Variants in ATRNL1 observed in about 807,000 individuals in gnomAD.
ATRNL1 encodes attractin-like protein 1.
ATRNL1 carries 95 observed loss-of-function variants against 182.7 expected under a neutral mutation model. That is an observed-to-expected ratio of 0.52 (90% confidence interval 0.44 to 0.62). The LOEUF is 0.62. ATRNL1 is among the 20% of genes least tolerant of loss of function. The pLI, the probability that ATRNL1 is intolerant of heterozygous loss-of-function variation, is 0.00. For synonymous variants in ATRNL1, 576 were observed against 568.3 expected, an observed-to-expected ratio of 1.01 and a Z score of -0.19; for missense variants, 1,471 against 1,679.5, an observed-to-expected ratio of 0.88 and a Z score of 2.17.
chr10:115,389,541 T>TGTATATATATATATGTAC, intron 19 of ATRNL1, among the ~76,000 whole-genome samples: 1 of 7,092 alleles, frequency 1.4e-4, no homozygotes, highest in African/African-American at 1.1e-3. Context: ...TGTGTATGTG[T>TGTATATATATATATGTAC]ATATATATAT....
At chr10:115,283,233 G>A (rs1163137840) in intron 14 of ATRNL1, among the ~76,000 whole-genome samples, 1 of 152,196 alleles carries the variant, frequency 6.6e-6, no homozygotes, top group South Asian at 2.1e-4. Context: ...GGCCATCATG[G>A]TGAAACCCCG....
chr10:115,301,074 C>T (rs1853443666), intron 16 of ATRNL1, among the ~76,000 whole-genome samples: 1 of 152,110 alleles, frequency 6.6e-6, no homozygotes, highest in Non-Finnish European at 1.5e-5. Flanking sequence ...TGAGAATTTC[C>T]TTCCTTTTTA....
At chr10:115,613,478 A>G (rs540693178) in intron 26 of ATRNL1, among the ~76,000 whole-genome samples, 30 of 152,244 alleles carry the variant, frequency 2.0e-4, no homozygotes, top group Non-Finnish European at 3.5e-4. Flanking sequence ...GTTTTTGCCT[A>G]TAGTTTTCTT....
chr10:115,312,395 C>T (rs1053562427), intron 17 of ATRNL1, among the ~76,000 whole-genome samples: 2 of 152,136 alleles, frequency 1.3e-5, no homozygotes, highest in Non-Finnish European at 2.9e-5. Flanking sequence ...AAATTATTGG[C>T]TGGCAGTTAT....
rs545897773 is a variant in ATRNL1, at chr10:115,521,615, T to C, written c.3716+2291T>C. Among the ~76,000 whole-genome samples, 5 of 152,310 alleles carry C rather than the reference T, an allele frequency of 3.3e-5. No homozygotes were observed. In the East Asian group the frequency reaches 9.6e-4, roughly 29 times the overall value. ...TGTGCATATTTAAATTCAATAGCTCTTTTGTTAAGTAAAAGAAAATTACTG... is the reference window on the plus strand; with the variant it reads ...TGTGCATATTTAAATTCAATAGCTCCTTTGTTAAGTAAAAGAAAATTACTG... On this transcript the variant is annotated intron_variant, in intron 25 of 28. Coordinates refer to ENST00000355044, the MANE Select transcript of ATRNL1 (RefSeq NM_207303.4).
At chr10:115,923,556 C>T (rs1414821630) in intron 28 of ATRNL1, among the ~76,000 whole-genome samples, 1 of 152,036 alleles carries the variant, frequency 6.6e-6, no homozygotes, top group African/African-American at 2.4e-5. Context: ...ATGGCTTCCA[C>T]CTCCATCCAT....
chr10:115,187,929 C>G (rs1283667086), intron 8 of ATRNL1, among the ~76,000 whole-genome samples: 1 of 151,684 alleles, frequency 6.6e-6, no homozygotes, highest in Admixed American at 6.6e-5. Flanking sequence ...ATCCACCCAC[C>G]TCGGTCTCCC....
chr10:115,491,911 G>A (rs1475433697), intron 24 of ATRNL1, among the ~76,000 whole-genome samples: 2 of 152,200 alleles, frequency 1.3e-5, no homozygotes, highest in Non-Finnish European at 2.9e-5. Flanking sequence ...TCTGCTGGTT[G>A]CGTAGACTGT....
At chr10:115,418,623 A>G (rs1845512235) in intron 20 of ATRNL1, among the ~76,000 whole-genome samples, 1 of 152,210 alleles carries the variant, frequency 6.6e-6, no homozygotes, top group South Asian at 2.1e-4. Flanking sequence ...TTCAATCCCA[A>G]TAAGAATACC....
At chr10:115,375,737 C>A (rs1857634953) in intron 19 of ATRNL1, among the ~76,000 whole-genome samples, 1 of 151,892 alleles carries the variant, frequency 6.6e-6, no homozygotes. Flanking sequence ...TGCTTTTTCA[C>A]CTTTCCATTA....
chr10:115,641,610 T>C (rs1442452890), intron 26 of ATRNL1, among the ~76,000 whole-genome samples: 1 of 152,214 alleles, frequency 6.6e-6, no homozygotes, highest in Non-Finnish European at 1.5e-5. Flanking sequence ...GTGATATTAC[T>C]ACTCTACTAA....
At chr10:115,561,839 GTTA>G (rs1853771509) in intron 26 of ATRNL1, among the ~76,000 whole-genome samples, 2 of 152,046 alleles carry the variant, frequency 1.3e-5, no homozygotes, top group East Asian at 3.9e-4. Flanking sequence ...CGATAATAAT[GTTA>G]TTATTATTCA....
chr10:115,282,586 G>A (rs900430304), intron 14 of ATRNL1, among the ~76,000 whole-genome samples: 9 of 152,038 alleles, frequency 5.9e-5, no homozygotes, highest in Non-Finnish European at 1.3e-4. Flanking sequence ...TGGATGCTAA[G>A]TACTCTTCCT....
chr10:115,630,263 G>C (rs1237816953), intron 26 of ATRNL1, among the ~76,000 whole-genome samples: 6 of 152,002 alleles, frequency 3.9e-5, no homozygotes, highest in African/African-American at 1.2e-4. Flanking sequence ...ATGAAAAGGT[G>C]CTCAACATTA....
At chr10:115,184,129 CTATA>C (rs1847848283) in intron 8 of ATRNL1, among the ~76,000 whole-genome samples, 1 of 151,032 alleles carries the variant, frequency 6.6e-6, no homozygotes, top group Admixed American at 6.6e-5. Context: ...ATAAAACTCA[CTATA>C]TTAGTAGGTC....
At chr10:115,131,680 T>G (rs2143725721) in intron 5 of ATRNL1, among the ~76,000 whole-genome samples, 1 of 152,330 alleles carries the variant, frequency 6.6e-6, no homozygotes, top group South Asian at 2.1e-4. Context: ...CGAGGCAATC[T>G]TTATGAGGTT....
intron 19 of ATRNL1, among the ~76,000 whole-genome samples, chr10:115,373,194 CT>C: frequency 6.6e-6 from 1 of 152,014 alleles, no homozygotes; most frequent in South Asian, 2.1e-4. Context: ...AGAAATGCTG[CT>C]GATTTTTGTA....
chr10:115,150,219 TTTGGG>T (rs1846160301), intron 5 of ATRNL1, among the ~76,000 whole-genome samples: 1 of 151,718 alleles, frequency 6.6e-6, no homozygotes, highest in Admixed American at 6.6e-5. Context: ...ATTTTGTTGA[TTTGGG>T]TTTTCTAATT....
intron 24 of ATRNL1, among the ~76,000 whole-genome samples, chr10:115,507,028 A>G (rs1345471861): frequency 6.6e-6 from 1 of 152,134 alleles, no homozygotes; most frequent in Non-Finnish European, 1.5e-5. Context: ...GACATGAGAC[A>G]TTAATTAACA....
Sources: allele counts gnomAD v4.1 joint callset (sites outside exome capture counted in the v4.1 genomes callset), GRCh38; gene constraint gnomAD v4.1.1; transcripts MANE v1.5; gene names NCBI Gene and HGNC (gene_info 2026-07-23, HGNC 2026-07-21).